The following BICC1 variants were observed in gnomAD, a reference collection of about 807,000 sequenced individuals.
The protein encoded by BICC1 is BicC family RNA binding protein 1.
A neutral mutation model predicts 111.0 loss-of-function variants in BICC1; 43 were observed. The observed-to-expected ratio is 0.39, with a 90% CI of 0.30 to 0.50. BICC1 has a LOEUF of 0.50. BICC1 is among the 20% of genes least tolerant of loss of function. The pLI is 0.88. For synonymous variants in BICC1, 467 were observed against 434.4 expected (o/e 1.07, Z -0.93); for missense variants, 1,091 against 1,203.2 (o/e 0.91, Z 1.38).
At chr10:58,726,527 C>A (rs1460530837) in intron 3 of BICC1, among the ~76,000 whole-genome samples, 2 of 152,162 alleles carry the variant, frequency 1.3e-5, no homozygotes, top group East Asian at 3.8e-4. Context: ...TAGAATAGGA[C>A]CCTGGCACTG....
chr10:58,615,808 G>A (rs1259270310), intron 1 of BICC1, among the ~76,000 whole-genome samples: 1 of 152,176 alleles, frequency 6.6e-6, no homozygotes, highest in African/African-American at 2.4e-5. Flanking sequence ...CTGCTTAATG[G>A]GCTCTGGTGG....
rs768875924 is a variant in BICC1 at position 58,803,287 on chromosome 10, G to T, written c.2181+45G>T. ...AAAGCCACTCAAATGTCATATGTTTGGGTTCTGGTATGGAGAATTCAGTGA... is the reference window on the plus strand; with the variant it reads ...AAAGCCACTCAAATGTCATATGTTTTGGTTCTGGTATGGAGAATTCAGTGA... On this transcript the variant is annotated intron_variant, in intron 15 of 20. Coordinates refer to ENST00000373886, the MANE Select transcript of BICC1 (RefSeq NM_001080512.3). 35 of 1,529,610 alleles carry T rather than the reference G, an allele frequency of 2.3e-5. No homozygotes were observed. The South Asian group carries it at 3.7e-4, about 16-fold the overall frequency. The allele number at this position is 1,529,610 out of a possible 1,614,324, so 94.8% of individuals were successfully genotyped here.
At chr10:58,806,538 CATTTGGAGAG>C in intron 15 of BICC1, 36 bp from the exon 16 acceptor site, 1 of 1,561,610 alleles carries the variant, frequency 6.4e-7, no homozygotes, top group East Asian at 2.2e-5. Flanking sequence ...GTTGGCATGA[CATTTGGAGAG>C]ACTGTCAATA....
At chr10:58,533,713 A>T (rs1038998742) in intron 1 of BICC1, among the ~76,000 whole-genome samples, 4 of 151,826 alleles carry the variant, frequency 2.6e-5, no homozygotes, top group African/African-American at 9.7e-5. Flanking sequence ...AAACAAAGGG[A>T]TACTAAACAG....
At chr10:58,823,910 A>G (rs1844321976) in intron 20 of BICC1, 4 of 985,264 alleles carry the variant, frequency 4.1e-6, no homozygotes, top group South Asian at 4.7e-5. Context: ...AACAAGATAC[A>G]TGTATTCAGC....
At chr10:58,610,965 A>G (rs1318098475) in intron 1 of BICC1, among the ~76,000 whole-genome samples, 2 of 152,184 alleles carry the variant, frequency 1.3e-5, no homozygotes, top group Admixed American at 1.3e-4. Context: ...AGAAAGTACT[A>G]GGTTGGTTAA....
At chr10:58,793,766 CT>C in intron 9 of BICC1, 151 bp downstream of exon 9, 1 of 867,192 alleles carries the variant, frequency 1.2e-6, no homozygotes, top group Non-Finnish European at 1.7e-6. Context: ...AAAGCTGAAT[CT>C]TTTTTAGCAC....
At chr10:58,694,082 G>C (rs1839997226) in intron 2 of BICC1, among the ~76,000 whole-genome samples, 2 of 152,084 alleles carry the variant, frequency 1.3e-5, no homozygotes, top group Admixed American at 1.3e-4. Context: ...TGAGCATCTG[G>C]AGTCACTCAA....
intron 2 of BICC1, among the ~76,000 whole-genome samples, chr10:58,659,766 A>T (rs903367921): frequency 2.6e-5 from 4 of 152,218 alleles, no homozygotes; most frequent in African/African-American, 9.6e-5. Context: ...CAAGTGACTG[A>T]TAAAAGTAGA....
At chr10:58,577,208 C>T (rs1844139029) in intron 1 of BICC1, among the ~76,000 whole-genome samples, 1 of 152,144 alleles carries the variant, frequency 6.6e-6, no homozygotes. Flanking sequence ...CCTTTTCACA[C>T]ACCTGCACTT....
intron 1 of BICC1, among the ~76,000 whole-genome samples, chr10:58,574,512 T>A (rs938635575): frequency 4.6e-5 from 7 of 151,878 alleles, no homozygotes; most frequent in Non-Finnish European, 1.0e-4. Flanking sequence ...AATACAAGCT[T>A]AATTTTATAC....
intron 2 of BICC1, among the ~76,000 whole-genome samples, chr10:58,649,106 A>G (rs1239605510): frequency 6.6e-6 from 1 of 152,216 alleles, no homozygotes; most frequent in Non-Finnish European, 1.5e-5. Context: ...GTCATTGGTG[A>G]TAAAAGTGGT....
At chr10:58,672,125 G>C (rs1203810353) in intron 2 of BICC1, among the ~76,000 whole-genome samples, 2 of 152,116 alleles carry the variant, frequency 1.3e-5, no homozygotes, top group Non-Finnish European at 2.9e-5. Context: ...ATTTTAAAGT[G>C]TACATTTCAG....
chr10:58,577,096 G>A (rs1844135575), intron 1 of BICC1, among the ~76,000 whole-genome samples: 1 of 152,164 alleles, frequency 6.6e-6, no homozygotes, highest in African/African-American at 2.4e-5. Context: ...TTTCCACAAT[G>A]TCCAGCTATC....
chr10:58,681,914 C>T (rs565420793), intron 2 of BICC1, among the ~76,000 whole-genome samples: 42 of 151,894 alleles, frequency 2.8e-4, no homozygotes, highest in African/African-American at 7.3e-4. Flanking sequence ...ATGTGCACAA[C>T]GTGCAGGTTT....
chr10:58,607,037 C>G (rs1024643961), intron 1 of BICC1, among the ~76,000 whole-genome samples: 2 of 152,092 alleles, frequency 1.3e-5, no homozygotes, highest in Non-Finnish European at 2.9e-5. Flanking sequence ...AAACTGTCGG[C>G]CTGGCGCGGT....
intron 1 of BICC1, among the ~76,000 whole-genome samples, chr10:58,588,576 T>G (rs1001437868): frequency 6.6e-6 from 1 of 152,116 alleles, no homozygotes; most frequent in Admixed American, 6.6e-5. Flanking sequence ...GCATTTCTTG[T>G]ATTGGAGGCT....
intron 1 of BICC1, among the ~76,000 whole-genome samples, chr10:58,579,394 T>C (rs1190219706): frequency 6.6e-6 from 1 of 152,192 alleles, no homozygotes; most frequent in Non-Finnish European, 1.5e-5. Flanking sequence ...ACACCCACAG[T>C]AAAACTAGAA....
intron 2 of BICC1, among the ~76,000 whole-genome samples, chr10:58,622,356 A>C (rs1006004826): frequency 3.3e-5 from 5 of 152,238 alleles, no homozygotes; most frequent in African/African-American, 4.8e-5. Flanking sequence ...CAGACAATTT[A>C]AAAGCTGAGT....
Sources: allele counts gnomAD v4.1 joint callset (sites outside exome capture counted in the v4.1 genomes callset), GRCh38; gene constraint gnomAD v4.1.1; transcripts MANE v1.5; gene names NCBI Gene and HGNC (gene_info 2026-07-23, HGNC 2026-07-21).